ATF6: variants seen among roughly 807,000 people sequenced by gnomAD.
ATF6 encodes the protein activating transcription factor 6, also known as cyclic AMP-dependent transcription factor ATF-6 alpha.
Under a neutral mutation model 83.6 loss-of-function variants are expected in ATF6, and 53 were observed. That is an observed-to-expected ratio of 0.63 (90% CI 0.51 to 0.80). The LOEUF (loss-of-function observed/expected upper bound fraction) is 0.80, where lower values mean the gene tolerates loss of function less well. Among genes scored for constraint, ATF6 ranks in the 30% least tolerant of loss-of-function variants. The pLI is 0.00. For missense variants in ATF6, 744 were observed against 797.9 expected (o/e 0.93, Z 0.81); for synonymous variants, 288 against 285.8 (o/e 1.01, Z -0.08).
chr1:161,806,054 T>G (rs1685272707), intron 7 of ATF6, among the ~76,000 whole-genome samples: 1 of 152,210 alleles, frequency 6.6e-6, no homozygotes, highest in South Asian at 2.1e-4. Flanking sequence ...GTAAATCTGT[T>G]TTGTTTAACT....
At chr1:161,900,416 C>A (rs1315723220) in intron 14 of ATF6, among the ~76,000 whole-genome samples, 1 of 152,064 alleles carries the variant, frequency 6.6e-6, no homozygotes, top group Non-Finnish European at 1.5e-5. Context: ...TGAAAAGAGA[C>A]CTCTTAGGAA....
chr1:161,865,837 G>A (rs79016857), intron 14 of ATF6, among the ~76,000 whole-genome samples: 2,327 of 152,220 alleles, frequency 0.015, 28 homozygotes, highest in Admixed American at 0.024. Context: ...CAATAGTAGG[G>A]AAAAGGAAGT....
At chr1:161,832,929 T>G (rs1379653428) in intron 9 of ATF6, among the ~76,000 whole-genome samples, 1 of 152,096 alleles carries the variant, frequency 6.6e-6, no homozygotes, top group Non-Finnish European at 1.5e-5. Context: ...GCATGCAGCT[T>G]GAGATCTGAG....
chr1:161,932,825 C>T (rs575385725), intron 15 of ATF6, among the ~76,000 whole-genome samples: 19 of 152,272 alleles, frequency 1.2e-4, no homozygotes, highest in Admixed American at 6.5e-5. Context: ...CAAGCTCACT[C>T]GTATGGTTGT....
Position 161,887,089 on chromosome 1 carries a change from TGAGA to T in ATF6, c.1719+23779_1719+23782del, listed in dbSNP as rs371916193. Among the ~76,000 whole-genome samples, 573 of 152,246 alleles carry T rather than the reference TGAGA, an allele frequency of 3.8e-3. 5 individuals carry two copies. The highest frequency in any genetic ancestry group is 0.013 in the African/African-American group (528 of 41,534). On this transcript the variant is annotated intron_variant, in intron 14 of 15. Transcript: ENST00000367942. ...ATGAAGCTTTTTTTTTTTCTTTTTT[TGAGA>T]GGGAGTCTCGCTTTGTCACCCATAC...
At position 161,948,400 on chromosome 1, in the gene ATF6, C is replaced by T. The variant is rs569406866; in HGVS notation, c.1805-10046C>T. Among the ~76,000 whole-genome samples the T allele has an allele frequency of 2.2e-3, 339 of 152,198 alleles. 1 individual carries two copies. Among genetic ancestry groups the T allele is most frequent in the Non-Finnish European group, 4.0e-3 (273 of 68,014 alleles). On this transcript the variant is annotated intron_variant, in intron 15 of 15. Coordinates refer to ENST00000367942, the MANE Select transcript of ATF6 (RefSeq NM_007348.4). ...AAGAGTAAAGTAAATATTGAAAATA[C>T]CAAAGTGAGCTTCAGTCATTTATAA...
intron 14 of ATF6, among the ~76,000 whole-genome samples, chr1:161,876,410 C>G (rs1687217927): frequency 1.3e-5 from 2 of 151,986 alleles, no homozygotes; most frequent in Non-Finnish European, 2.9e-5. Context: ...TTATTAGTCT[C>G]TCAGCTATTA....
intron 14 of ATF6, among the ~76,000 whole-genome samples, chr1:161,872,866 C>T (rs1157274043): frequency 2.0e-5 from 3 of 151,288 alleles, no homozygotes; most frequent in Non-Finnish European, 3.0e-5. Flanking sequence ...GAGAAGAGAA[C>T]TAAGAGTGTG....
chr1:161,818,385 G>A (rs184748806), intron 7 of ATF6, among the ~76,000 whole-genome samples: 1 of 152,042 alleles, frequency 6.6e-6, no homozygotes, highest in Admixed American at 6.5e-5. Flanking sequence ...AAATAATTTC[G>A]CTCAGTAAGT....
chr1:161,813,181 T>C (rs554912010), intron 7 of ATF6, among the ~76,000 whole-genome samples: 2 of 152,322 alleles, frequency 1.3e-5, no homozygotes, highest in Admixed American at 6.5e-5. Flanking sequence ...TCTTAATTTA[T>C]AAAAATTAAG....
chr1:161,859,497 A>G (rs1385842498), intron 12 of ATF6, among the ~76,000 whole-genome samples: 1 of 152,234 alleles, frequency 6.6e-6, no homozygotes, highest in Non-Finnish European at 1.5e-5. Flanking sequence ...AATGATTAAA[A>G]AATTATTTAA....
chr1:161,884,466 A>T (rs1191902140), intron 14 of ATF6, among the ~76,000 whole-genome samples: 1 of 152,176 alleles, frequency 6.6e-6, no homozygotes, highest in Non-Finnish European at 1.5e-5. Context: ...TATCCAAAAC[A>T]ACTTTATTCA....
At chr1:161,868,904 T>G (rs1687066955) in intron 14 of ATF6, among the ~76,000 whole-genome samples, 1 of 152,140 alleles carries the variant, frequency 6.6e-6, no homozygotes, top group African/African-American at 2.4e-5. Context: ...AACTTTGAGA[T>G]ACTTGCATCT....
intron 9 of ATF6, among the ~76,000 whole-genome samples, chr1:161,838,481 T>G (rs1050549339): frequency 6.6e-6 from 1 of 152,100 alleles, no homozygotes; most frequent in African/African-American, 2.4e-5. Context: ...TGGGGTGGCT[T>G]AGGTTGGAGG....
At chr1:161,809,811 A>G (rs945453969) in intron 7 of ATF6, among the ~76,000 whole-genome samples, 2 of 152,060 alleles carry the variant, frequency 1.3e-5, no homozygotes, top group African/African-American at 4.8e-5. Flanking sequence ...GCATTTTTTC[A>G]TGTGTCTGTT....
chr1:161,909,967 A>G (rs1687958051), intron 14 of ATF6, among the ~76,000 whole-genome samples: 1 of 152,186 alleles, frequency 6.6e-6, no homozygotes, highest in African/African-American at 2.4e-5. Context: ...AAAAAAAGAA[A>G]AGACAGTAAG....
At chr1:161,876,824 A>T (rs1423316312) in intron 14 of ATF6, among the ~76,000 whole-genome samples, 1 of 151,962 alleles carries the variant, frequency 6.6e-6, no homozygotes, top group Non-Finnish European at 1.5e-5. Flanking sequence ...TTATATGTAG[A>T]CAGTATAGTT....
At chr1:161,899,105 C>T (rs1687732727) in intron 14 of ATF6, among the ~76,000 whole-genome samples, 1 of 152,144 alleles carries the variant, frequency 6.6e-6, no homozygotes, top group Non-Finnish European at 1.5e-5. Context: ...AATGTTGAGA[C>T]ATCTACAAAT....
chr1:161,855,147 A>T (rs908888318), intron 12 of ATF6, among the ~76,000 whole-genome samples: 2 of 152,124 alleles, frequency 1.3e-5, no homozygotes, highest in South Asian at 2.1e-4. Flanking sequence ...TTTATATTTT[A>T]AAAAATTAGT....
Sources: gnomAD v4.1 joint callset for allele counts (sites outside exome capture counted in the v4.1 genomes callset) on GRCh38, gnomAD v4.1.1 for gene constraint, MANE v1.5 for transcripts, NCBI Gene and HGNC (gene_info 2026-07-23, HGNC 2026-07-21) for gene names.